The following LSAMP variants were observed in gnomAD, a reference collection of about 807,000 sequenced individuals.
LSAMP encodes the protein limbic system-associated membrane protein.
A neutral mutation model predicts 38.6 loss-of-function variants in LSAMP; 7 were observed. The ratio of observed to expected loss-of-function variants is 0.18; its 90% CI spans 0.10 to 0.34. LSAMP has a LOEUF of 0.34. LSAMP is among the 10% of genes least tolerant of loss of function. LSAMP has a pLI of 1.00. For missense variants in LSAMP, 313 were observed against 420.0 expected, an observed-to-expected ratio of 0.75 and a Z score of 2.23; for synonymous variants, 154 against 166.8, an observed-to-expected ratio of 0.92 and a Z score of 0.59.
chr3:116,233,968 C>G (rs925185348), intron 1 of LSAMP, among the ~76,000 whole-genome samples: 2 of 152,188 alleles, frequency 1.3e-5, no homozygotes, highest in African/African-American at 2.4e-5. Context: ...TGTAGACTCT[C>G]CACTTGAAGT....
chr3:116,444,839 T>TC (rs2049486992), intron 1 of LSAMP, 38 bp downstream of exon 1: 1 of 1,611,842 alleles, frequency 6.2e-7, no homozygotes, highest in African/African-American at 1.3e-5. Flanking sequence ...CACACACGTG[T>TC]AGACGCGCGC....
intron 3 of LSAMP, among the ~76,000 whole-genome samples, chr3:115,927,787 A>T (rs904495720): frequency 2.0e-5 from 3 of 151,126 alleles, no homozygotes; most frequent in Non-Finnish European, 4.4e-5. Context: ...CCCTCCATAC[A>T]CTCCCGCTGC....
At chr3:116,429,370 T>G (rs535881699) in intron 1 of LSAMP, among the ~76,000 whole-genome samples, 1 of 152,196 alleles carries the variant, frequency 6.6e-6, no homozygotes, top group Non-Finnish European at 1.5e-5. Context: ...TGGAGATATA[T>G]TCAGTAAAAT....
chr3:116,154,530 C>T (rs1478281281), intron 1 of LSAMP, among the ~76,000 whole-genome samples: 1 of 152,136 alleles, frequency 6.6e-6, no homozygotes, highest in Non-Finnish European at 1.5e-5. Flanking sequence ...GGTTAATGCT[C>T]TAAGACTTTA....
chr3:116,060,399 C>T (rs554846745), intron 2 of LSAMP, among the ~76,000 whole-genome samples: 61 of 152,230 alleles, frequency 4.0e-4, no homozygotes, highest in African/African-American at 1.4e-3. Context: ...GTTTCAAAAT[C>T]TGAGATGGAA....
chr3:115,847,294 G>C (rs1935190408), intron 4 of LSAMP, among the ~76,000 whole-genome samples: 1 of 152,180 alleles, frequency 6.6e-6, no homozygotes, highest in Non-Finnish European at 1.5e-5. Flanking sequence ...AAAAGCAGCA[G>C]AGGCAGAGGA....
intron 1 of LSAMP, among the ~76,000 whole-genome samples, chr3:116,252,017 T>C (rs956620704): frequency 6.6e-6 from 1 of 152,212 alleles, no homozygotes; most frequent in African/African-American, 2.4e-5. Flanking sequence ...TTGTTTAACA[T>C]ACAAGACAGA....
intron 1 of LSAMP, among the ~76,000 whole-genome samples, chr3:116,135,072 G>C (rs1398057825): frequency 6.6e-6 from 1 of 152,042 alleles, no homozygotes; most frequent in East Asian, 1.9e-4. Flanking sequence ...TACTTTGAGG[G>C]GGTGCATTAT....
intron 2 of LSAMP, among the ~76,000 whole-genome samples, chr3:116,023,139 T>C (rs1419522566): frequency 6.6e-6 from 1 of 151,226 alleles, no homozygotes; most frequent in Non-Finnish European, 1.5e-5. Flanking sequence ...TATACATATA[T>C]ATGTGTATAT....
chr3:116,445,439 G>A lies in LSAMP; in HGVS notation c.-408C>T. 2.2e-6 allele frequency: 1 copy of A among 449,538 alleles called. No individual in the cohort carries two copies. The highest frequency in any genetic ancestry group is 3.9e-6 in the Non-Finnish European group (1 of 257,628). The allele number at this position is 449,538 out of a possible 1,614,324, so 27.8% of individuals were successfully genotyped here. A position where few individuals can be genotyped will look rare whatever the true frequency, so the allele number is the denominator to read the frequency against. On this transcript the variant is annotated 5_prime_UTR_variant, in exon 1 of 7. Transcript: ENST00000490035. ...CCAGGCTGGCGGGCGGGCGGGCGAG[G>A]GAGCCGGCACCAAGCCTGCCAGTGA...
intron 1 of LSAMP, among the ~76,000 whole-genome samples, chr3:116,126,545 G>T (rs1709012099): frequency 6.6e-6 from 1 of 152,136 alleles, no homozygotes; most frequent in Admixed American, 6.6e-5. Context: ...ATAGAATTTT[G>T]ATTTATCCCT....
At chr3:116,182,959 C>A (rs1435321397) in intron 1 of LSAMP, among the ~76,000 whole-genome samples, 2 of 151,828 alleles carry the variant, frequency 1.3e-5, no homozygotes, top group African/African-American at 4.8e-5. Flanking sequence ...GGAGTTGAAG[C>A]TTAGGTCTAA....
At chr3:115,962,120 C>A (rs1054786966) in intron 3 of LSAMP, among the ~76,000 whole-genome samples, 1 of 152,176 alleles carries the variant, frequency 6.6e-6, no homozygotes, top group Non-Finnish European at 1.5e-5. Flanking sequence ...CCTTAATGAT[C>A]GACTTGCCCA....
chr3:116,117,467 A>T (rs2107481782), intron 1 of LSAMP, among the ~76,000 whole-genome samples: 1 of 152,352 alleles, frequency 6.6e-6, no homozygotes, highest in East Asian at 1.9e-4. Context: ...ATTTCCCATA[A>T]CTGATAGGCT....
intron 1 of LSAMP, among the ~76,000 whole-genome samples, chr3:116,438,182 G>A (rs2049382764): frequency 6.6e-6 from 1 of 151,806 alleles, no homozygotes; most frequent in Non-Finnish European, 1.5e-5. Context: ...AGTGCAAATG[G>A]CCTGTGTATA....
chr3:115,877,010 G>A (rs1361135764), intron 3 of LSAMP, among the ~76,000 whole-genome samples: 2 of 152,110 alleles, frequency 1.3e-5, no homozygotes, highest in East Asian at 1.9e-4. Flanking sequence ...GTCTGAGAAA[G>A]GTTAGGCAAA....
chr3:115,863,396 GGAT>G, intron 3 of LSAMP, among the ~76,000 whole-genome samples: 1 of 152,168 alleles, frequency 6.6e-6, no homozygotes, highest in East Asian at 1.9e-4. Context: ...TCTGTGTACT[GGAT>G]GATATTTTTA....
chr3:115,865,519 T>C (rs981020430), intron 3 of LSAMP, among the ~76,000 whole-genome samples: 4 of 152,134 alleles, frequency 2.6e-5, no homozygotes. Context: ...ATTACACAGA[T>C]ATAGTATCCA....
Position 115,808,083 on chromosome 3 carries a change from C to CTCCTTCCTTCCTTCCT in LSAMP, c.*2218_*2233dup, listed in dbSNP as rs1170641773. On this transcript the variant is annotated 3_prime_UTR_variant, in exon 7 of 7. Transcript: ENST00000490035. ...TCTCCCTCCTGCCTTCCTTTCCTTT[C>CTCCTTCCTTCCTTCCT]TCCTTCCTTCCTTCCTTCCTTCCTT... is the stretch of plus-strand genomic sequence containing the variant. The CTCCTTCCTTCCTTCCT allele has an allele frequency of 1.9e-4, 21 of 112,432 alleles. 1 individual carries two copies. The highest frequency in any genetic ancestry group is 7.3e-4 in the African/African-American group (19 of 26,102). 7.0% of individuals were successfully genotyped at this position (112,432 alleles called of 1,614,324 possible).
Sources: gnomAD v4.1 joint callset for allele counts (sites outside exome capture counted in the v4.1 genomes callset) on GRCh38, gnomAD v4.1.1 for gene constraint, MANE v1.5 for transcripts, NCBI Gene and HGNC (gene_info 2026-07-23, HGNC 2026-07-21) for gene names.